PRKG1: variants seen among roughly 807,000 people sequenced by gnomAD.
The protein encoded by PRKG1 is protein kinase cGMP-dependent 1.
A neutral mutation model predicts 88.1 loss-of-function variants in PRKG1; 35 were observed. That is an observed-to-expected ratio of 0.40 (90% CI 0.30 to 0.53). The LOEUF (loss-of-function observed/expected upper bound fraction) is 0.53, where lower values mean the gene tolerates loss of function less well. Ranked by LOEUF, PRKG1 falls within the 20% of genes least tolerant of loss-of-function variation. The pLI is 0.59. For synonymous variants in PRKG1, 303 were observed against 292.5 expected (o/e 1.04, Z -0.37); for missense variants, 540 against 839.8 (o/e 0.64, Z 4.41).
intron 3 of PRKG1, among the ~76,000 whole-genome samples, chr10:51,667,210 T>C (rs1840443400): frequency 6.6e-6 from 1 of 152,226 alleles, no homozygotes; most frequent in Non-Finnish European, 1.5e-5. Context: ...TACTTTTTAT[T>C]TTTCAAGAAT....
At chr10:51,411,619 C>T (rs925887042) in intron 2 of PRKG1, among the ~76,000 whole-genome samples, 1 of 152,144 alleles carries the variant, frequency 6.6e-6, no homozygotes, top group African/African-American at 2.4e-5. Flanking sequence ...TGATGCCCTG[C>T]ACTTTAGGTA....
At chr10:51,424,328 A>G (rs1838508808) in intron 2 of PRKG1, among the ~76,000 whole-genome samples, 1 of 152,066 alleles carries the variant, frequency 6.6e-6, no homozygotes, top group South Asian at 2.1e-4. Flanking sequence ...CATAAATTTT[A>G]TCTTATGAAT....
intron 9 of PRKG1, among the ~76,000 whole-genome samples, chr10:52,195,610 C>T (rs1456272724): frequency 6.6e-6 from 1 of 152,158 alleles, no homozygotes; most frequent in East Asian, 1.9e-4. Context: ...TTCTTATTTA[C>T]AACTCTTCAA....
At chr10:52,072,719 C>T (rs921998057) in intron 7 of PRKG1, among the ~76,000 whole-genome samples, 2 of 152,110 alleles carry the variant, frequency 1.3e-5, no homozygotes, top group African/African-American at 4.8e-5. Context: ...GTTTGTTCTA[C>T]CTCTTAAATA....
rs555256312 is a variant in PRKG1, at chr10:51,471,012, C to T, written c.592+3176C>T. Among the ~76,000 whole-genome samples the T allele has an allele frequency of 3.5e-4, 53 of 151,876 alleles. 1 individual carries two copies. The highest frequency in any genetic ancestry group is 2.1e-3 in the Admixed American group (32 of 15,218). ...CACAGTGATATAGAAAGAAAAAAAT[C>T]GTGGTATGATTCAGATCTATATTCA... On this transcript the variant is annotated intron_variant, in intron 3 of 17. Transcript: ENST00000373980.
intron 3 of PRKG1, chr10:51,698,155 G>A: frequency 6.2e-7 from 1 of 1,614,038 alleles, no homozygotes; most frequent in Non-Finnish European, 8.5e-7. Context: ...CTCTTGAACT[G>A]GGGACAGGGC....
chr10:51,117,062 G>C (rs1845142533), intron 1 of PRKG1, among the ~76,000 whole-genome samples: 1 of 152,138 alleles, frequency 6.6e-6, no homozygotes, highest in Non-Finnish European at 1.5e-5. Flanking sequence ...CATTTGTTCT[G>C]CTCTCTCTTA....
chr10:51,069,077 CAAT>C (rs1843789301), intron 1 of PRKG1, among the ~76,000 whole-genome samples: 1 of 151,738 alleles, frequency 6.6e-6, no homozygotes, highest in Admixed American at 6.6e-5. Context: ...GCCTGAGACC[CAAT>C]AATAACTTCC....
intron 2 of PRKG1, among the ~76,000 whole-genome samples, chr10:51,238,282 G>A (rs1335934736): frequency 6.6e-6 from 1 of 152,066 alleles, no homozygotes; most frequent in African/African-American, 2.4e-5. Context: ...ACCATTTTGT[G>A]CCTATTTAAA....
chr10:51,604,670 A>G (rs1668110077), intron 3 of PRKG1, among the ~76,000 whole-genome samples: 2 of 152,200 alleles, frequency 1.3e-5, no homozygotes, highest in South Asian at 4.1e-4. Flanking sequence ...TCCAATCACA[A>G]GGCATGTGAC....
At chr10:52,288,336 G>A (rs1380181862) in intron 14 of PRKG1, among the ~76,000 whole-genome samples, 3 of 152,072 alleles carry the variant, frequency 2.0e-5, no homozygotes, top group African/African-American at 7.2e-5. Context: ...AATGGCATGA[G>A]GTGGGGTAGT....
At chr10:51,442,828 A>G (rs1370801663) in intron 2 of PRKG1, among the ~76,000 whole-genome samples, 1 of 152,024 alleles carries the variant, frequency 6.6e-6, no homozygotes. Flanking sequence ...CCAACCTCTT[A>G]GTGGCCTAGA....
intron 1 of PRKG1, among the ~76,000 whole-genome samples, chr10:51,021,019 T>C (rs747866040): frequency 6.6e-6 from 1 of 152,178 alleles, no homozygotes; most frequent in Non-Finnish European, 1.5e-5. Context: ...TTCGTACCTA[T>C]GTAGGGGTGT....
chr10:51,740,877 T>C (rs964488469), intron 3 of PRKG1, among the ~76,000 whole-genome samples: 3 of 151,920 alleles, frequency 2.0e-5, no homozygotes, highest in African/African-American at 7.3e-5. Flanking sequence ...GAATACTTTA[T>C]CTTCATATTT....
chr10:51,119,743 C>T (rs1357769438), intron 1 of PRKG1, among the ~76,000 whole-genome samples: 1 of 151,934 alleles, frequency 6.6e-6, no homozygotes, highest in Non-Finnish European at 1.5e-5. Flanking sequence ...TGTTGATATA[C>T]TTTAAAATAA....
rs114433746 is a variant in PRKG1 at position 51,813,210 on chromosome 10, G to A, written c.698+8520G>A. Reference sequence around the variant, plus strand: ...AAAAGCATAAAGTAATAAGCCATTAGCAAAAAAGCATAAAGTAATAAGTCA... The same window carrying A: ...AAAAGCATAAAGTAATAAGCCATTAACAAAAAAGCATAAAGTAATAAGTCA... On this transcript the variant is annotated intron_variant, in intron 4 of 17. Coordinates refer to ENST00000373980, the MANE Select transcript of PRKG1 (RefSeq NM_006258.4). Among the ~76,000 whole-genome samples the A allele has an allele frequency of 8.7e-3, 1,317 of 152,118 alleles. 15 individuals are homozygous for A. Among genetic ancestry groups the A allele is most frequent in the African/African-American group, 0.03 (1,233 of 41,458 alleles).
chr10:51,180,147 C>T (rs74133504), intron 2 of PRKG1, among the ~76,000 whole-genome samples: 2,074 of 152,244 alleles, frequency 0.014, 47 homozygotes, highest in African/African-American at 0.048. Flanking sequence ...ATATAATGCA[C>T]GGGGCAAATA....
intron 5 of PRKG1, among the ~76,000 whole-genome samples, chr10:51,976,078 C>G (rs1843825244): frequency 6.6e-6 from 1 of 151,978 alleles, no homozygotes; most frequent in African/African-American, 2.4e-5. Flanking sequence ...CCAGTTCATA[C>G]TGACTAGGTT....
chr10:51,664,002 T>G (rs1227702083), intron 3 of PRKG1, among the ~76,000 whole-genome samples: 1 of 152,066 alleles, frequency 6.6e-6, no homozygotes, highest in Non-Finnish European at 1.5e-5. Context: ...TTTGTTGAGT[T>G]TTGTTTTTCT....
Sources: gnomAD v4.1 joint callset for allele counts (sites outside exome capture counted in the v4.1 genomes callset) on GRCh38, gnomAD v4.1.1 for gene constraint, MANE v1.5 for transcripts, NCBI Gene and HGNC (gene_info 2026-07-23, HGNC 2026-07-21) for gene names.